Variants in TENM2 observed in about 807,000 individuals in gnomAD.
TENM2 encodes the protein teneurin transmembrane protein 2.
Under a neutral mutation model 245.2 loss-of-function variants are expected in TENM2, and 52 were observed. The observed-to-expected ratio is 0.21, with a 90% CI of 0.17 to 0.27. The LOEUF (loss-of-function observed/expected upper bound fraction) is 0.27. Among genes scored for constraint, TENM2 ranks in the 10% least tolerant of loss-of-function variants. The pLI, the probability that TENM2 is intolerant of heterozygous loss-of-function variation, is 1.00. For synonymous variants in TENM2, 1,363 were observed against 1,438.9 expected (o/e 0.95, Z 1.19); for missense variants, 3,046 against 3,666.8 (o/e 0.83, Z 4.37).
intron 1 of TENM2, among the ~76,000 whole-genome samples, chr5:167,355,934 GCACTT>G (rs1356004881): frequency 1.4e-5 from 2 of 147,216 alleles, no homozygotes; most frequent in African/African-American, 5.1e-5. Context: ...TGTAATCCTA[GCACTT>G]TGGGAGGCCG....
chr5:167,640,182 A>T (rs1779461578), intron 2 of TENM2, among the ~76,000 whole-genome samples: 1 of 152,130 alleles, frequency 6.6e-6, no homozygotes. Context: ...TACCAACTTC[A>T]ATTCTTTCTA....
chr5:167,495,659 C>G (rs1014742198), intron 2 of TENM2, among the ~76,000 whole-genome samples: 1 of 151,982 alleles, frequency 6.6e-6, no homozygotes, highest in Admixed American at 6.6e-5. Context: ...TTGTTCTTCT[C>G]TTGTGTGGAT....
chr5:167,435,041 G>A (rs1480925583), intron 2 of TENM2, among the ~76,000 whole-genome samples: 1 of 152,118 alleles, frequency 6.6e-6, no homozygotes, highest in African/African-American at 2.4e-5. Flanking sequence ...AATATATATA[G>A]CATTCCAATC....
chr5:168,147,937 A>C (rs1164826030), intron 12 of TENM2, among the ~76,000 whole-genome samples: 1 of 152,236 alleles, frequency 6.6e-6, no homozygotes, highest in Non-Finnish European at 1.5e-5. Flanking sequence ...ACATGTACCA[A>C]GTAAAGACAG....
chr5:167,923,222 G>A (rs962589240), intron 3 of TENM2, among the ~76,000 whole-genome samples: 11 of 152,212 alleles, frequency 7.2e-5, no homozygotes, highest in African/African-American at 2.4e-4. Context: ...AGGATGCTGA[G>A]GCAAGAGGAT....
At chr5:167,349,646 A>G (rs1397826013) in intron 1 of TENM2, among the ~76,000 whole-genome samples, 6 of 152,224 alleles carry the variant, frequency 3.9e-5, no homozygotes, top group Non-Finnish European at 5.9e-5. Flanking sequence ...CTGTATATGT[A>G]TATGTACACA....
intron 2 of TENM2, among the ~76,000 whole-genome samples, chr5:167,384,991 T>C (rs915154976): frequency 6.6e-6 from 1 of 152,024 alleles, no homozygotes; most frequent in South Asian, 2.1e-4. Context: ...GTACAGGGAG[T>C]GTTCCTTACA....
At chr5:167,325,568 T>A (rs1757029048) in intron 1 of TENM2, among the ~76,000 whole-genome samples, 4 of 152,174 alleles carry the variant, frequency 2.6e-5, no homozygotes, top group Admixed American at 2.6e-4. Context: ...CTCCTTTCCT[T>A]ACCACACAAG....
intron 7 of TENM2, among the ~76,000 whole-genome samples, chr5:168,084,613 C>T (rs947109465): frequency 2.6e-5 from 4 of 152,160 alleles, no homozygotes; most frequent in Admixed American, 2.6e-4. Context: ...ATAGGCCAGG[C>T]AGAGGGAAAG....
chr5:167,951,470 G>A (rs1376163177), intron 3 of TENM2, among the ~76,000 whole-genome samples: 2 of 152,210 alleles, frequency 1.3e-5, no homozygotes, highest in Non-Finnish European at 2.9e-5. Flanking sequence ...TTTTCATTAT[G>A]CTTAAAATAT....
At chr5:168,227,225 C>G (rs1764279327) in intron 24 of TENM2, among the ~76,000 whole-genome samples, 1 of 152,222 alleles carries the variant, frequency 6.6e-6, no homozygotes, top group Admixed American at 6.5e-5. Context: ...GGTCAGACGT[C>G]TGATTGACTC....
chr5:167,982,075 C>T (rs369410501), intron 4 of TENM2, among the ~76,000 whole-genome samples: 3 of 152,078 alleles, frequency 2.0e-5, no homozygotes, highest in East Asian at 3.9e-4. Context: ...GCCACTGGCC[C>T]GGAACACACT....
chr5:167,877,827 A>G (rs999528153), intron 3 of TENM2, among the ~76,000 whole-genome samples: 1 of 152,254 alleles, frequency 6.6e-6, no homozygotes, highest in Non-Finnish European at 1.5e-5. Flanking sequence ...TTTTAGCTAC[A>G]GAGCCCTTTT....
At chr5:167,410,618 T>C (rs1762857525) in intron 2 of TENM2, among the ~76,000 whole-genome samples, 1 of 152,020 alleles carries the variant, frequency 6.6e-6, no homozygotes, top group Admixed American at 6.6e-5. Context: ...TAAAGTTCTG[T>C]GTATTTGAAG....
chr5:167,075,697 T>A, the TENM2 span, among the ~76,000 whole-genome samples: 3 of 152,284 alleles, frequency 2.0e-5, no homozygotes, highest in East Asian at 5.8e-4. Context: ...CAACCAAAAA[T>A]GTTTCCAATT....
chr5:168,194,741 C>G (rs1761246453), intron 14 of TENM2, among the ~76,000 whole-genome samples: 1 of 152,078 alleles, frequency 6.6e-6, no homozygotes, highest in South Asian at 2.1e-4. Flanking sequence ...CCCCTCTACC[C>G]ACTCTGACAT....
rs1331930346 is a variant in TENM2 at position 167,313,933 on chromosome 5, G to C, written c.226+28870G>C. Among the ~76,000 whole-genome samples, 5 of 152,160 alleles carry C rather than the reference G, an allele frequency of 3.3e-5. No homozygotes were observed. In the South Asian group the frequency reaches 1.0e-3, roughly 32 times the overall value. ...ACGTCCAGATGTCCTCAAAATAAGT[G>C]TCCTTTCTCCTCCACCTATTCCCTG... is the stretch of plus-strand genomic sequence containing the variant. On this transcript the variant is annotated intron_variant, in intron 1 of 28. Transcript: ENST00000518659.
chr5:167,127,438 A>G, the TENM2 span, among the ~76,000 whole-genome samples: 1 of 152,162 alleles, frequency 6.6e-6, no homozygotes, highest in South Asian at 2.1e-4. Flanking sequence ...ATGAGTCAGT[A>G]GTACATCCCC....
chr5:167,555,023 G>A (rs1167243946), intron 2 of TENM2, among the ~76,000 whole-genome samples: 2 of 152,086 alleles, frequency 1.3e-5, no homozygotes, highest in Admixed American at 1.3e-4. Context: ...CATCTCTCTG[G>A]AAAGCAATGG....
Sources: allele counts gnomAD v4.1 joint callset (sites outside exome capture counted in the v4.1 genomes callset), GRCh38; gene constraint gnomAD v4.1.1; transcripts MANE v1.5; gene names NCBI Gene and HGNC (gene_info 2026-07-23, HGNC 2026-07-21).